ARHGEF28: variants seen among roughly 807,000 people sequenced by gnomAD.
ARHGEF28 encodes the protein 190 kDa guanine nucleotide exchange factor.
ARHGEF28 carries 152 observed loss-of-function variants against 206.6 expected under a neutral mutation model. That is an observed-to-expected ratio of 0.74 (90% CI 0.64 to 0.84). The LOEUF is 0.84. Among genes scored for constraint, ARHGEF28 ranks in the 40% least tolerant of loss-of-function variants. ARHGEF28 has a pLI of 0.00. For missense variants in ARHGEF28, 2,028 were observed against 2,073.2 expected (o/e 0.98, Z 0.42); for synonymous variants, 763 against 776.4 (o/e 0.98, Z 0.29).
chr5:73,654,979 G>T (rs1047869162), intron 1 of ARHGEF28, among the ~76,000 whole-genome samples: 2 of 152,262 alleles, frequency 1.3e-5, no homozygotes, highest in Non-Finnish European at 2.9e-5. Context: ...CAAAATGAAA[G>T]GTTGTTTGAA....
At chr5:73,721,683 C>T (rs1158180013) in intron 2 of ARHGEF28, among the ~76,000 whole-genome samples, 1 of 152,130 alleles carries the variant, frequency 6.6e-6, no homozygotes, top group African/African-American at 2.4e-5. Flanking sequence ...AGGGATCCTC[C>T]CACCTTGGCC....
intron 2 of ARHGEF28, among the ~76,000 whole-genome samples, chr5:73,721,155 G>C (rs1749914184): frequency 6.6e-6 from 1 of 152,134 alleles, no homozygotes. Context: ...GCCTGGAAGA[G>C]CAGGGGAAGC....
intron 7 of ARHGEF28, among the ~76,000 whole-genome samples, chr5:73,787,291 C>G (rs545944698): frequency 6.6e-6 from 1 of 152,310 alleles, no homozygotes; most frequent in South Asian, 2.1e-4. Context: ...TGGTCAAGCA[C>G]TTGAAAATAT....
Position 73,767,166 on chromosome 5 carries a change from A to G in ARHGEF28, c.476-6689A>G, listed in dbSNP as rs1752942338. Reference sequence around the variant, plus strand: ...CCTAGCCACATGGAATTGTAAGTCCATTAAACCACTTTCTTTTGTAAATTG... The same window carrying G: ...CCTAGCCACATGGAATTGTAAGTCCGTTAAACCACTTTCTTTTGTAAATTG... On this transcript the variant is annotated intron_variant, in intron 4 of 35. Coordinates refer to ENST00000513042, the MANE Select transcript of ARHGEF28 (RefSeq NM_001177693.2). Among the ~76,000 whole-genome samples, 3 of 152,324 alleles carry G rather than the reference A, an allele frequency of 2.0e-5. No homozygotes were observed. The South Asian group carries it at 6.2e-4, about 32-fold the overall frequency.
intron 2 of ARHGEF28, among the ~76,000 whole-genome samples, chr5:73,736,446 A>G (rs1188244390): frequency 3.3e-5 from 5 of 152,144 alleles, no homozygotes; most frequent in South Asian, 4.1e-4. Context: ...TCATCTATAA[A>G]ATGAGGATGA....
chr5:73,938,357 T>C (rs1422912776), intron 35 of ARHGEF28, among the ~76,000 whole-genome samples: 1 of 152,184 alleles, frequency 6.6e-6, no homozygotes, highest in Admixed American at 6.5e-5. Context: ...TCCATGTACC[T>C]CAAAATATCA....
rs191539081 is a variant in ARHGEF28 at position 73,866,261 on chromosome 5, G to T, written c.2152+248G>T. On this transcript the variant is annotated intron_variant, in intron 18 of 35. Transcript: ENST00000513042. ...TATTAGAGAGGGCTATAAGGAGAAG[G>T]TATTAACGTGTTGCTTCAATTCTAA... Among the ~76,000 whole-genome samples, 473 of 152,270 alleles carry T rather than the reference G, an allele frequency of 3.1e-3. 2 individuals are homozygous for T. The highest frequency in any genetic ancestry group is 0.011 in the African/African-American group (463 of 41,546).
chr5:73,784,959 G>C (rs968171119), intron 7 of ARHGEF28, among the ~76,000 whole-genome samples: 3 of 152,140 alleles, frequency 2.0e-5, no homozygotes, highest in African/African-American at 7.2e-5. Flanking sequence ...AGACTAATGG[G>C]CAGGTAGCAT....
intron 1 of ARHGEF28, among the ~76,000 whole-genome samples, chr5:73,657,047 C>T (rs368341113): frequency 4.0e-4 from 61 of 151,810 alleles, no homozygotes; most frequent in Admixed American, 7.9e-4. Context: ...GTGGCGGGCA[C>T]GTGTAGTCCC....
At chr5:73,770,848 C>T (rs751899433) in intron 4 of ARHGEF28, among the ~76,000 whole-genome samples, 22 of 152,196 alleles carry the variant, frequency 1.4e-4, no homozygotes, top group Admixed American at 2.0e-4. Flanking sequence ...AGAGAGGCAA[C>T]AGTGAGCCAT....
At chr5:73,854,554 G>C (rs556756910) in intron 14 of ARHGEF28, among the ~76,000 whole-genome samples, 2 of 152,152 alleles carry the variant, frequency 1.3e-5, no homozygotes, top group African/African-American at 2.4e-5. Flanking sequence ...CTTTAGGCCC[G>C]GTGCGGTGGC....
chr5:73,739,619 G>A (rs971205782), intron 2 of ARHGEF28, among the ~76,000 whole-genome samples: 9 of 151,488 alleles, frequency 5.9e-5, no homozygotes, highest in Non-Finnish European at 8.8e-5. Context: ...AGGAGTTCAG[G>A]ACCAGCCTGT....
At chr5:73,846,844 A>T (rs192036053) in intron 12 of ARHGEF28, among the ~76,000 whole-genome samples, 108 of 152,312 alleles carry the variant, frequency 7.1e-4, no homozygotes, top group African/African-American at 2.5e-3. Flanking sequence ...TGCTCACGTA[A>T]ATAATTGTAT....
chr5:73,741,373 GTGTGTGTGTGTGTATATATATA>G (rs1751382176), intron 2 of ARHGEF28, among the ~76,000 whole-genome samples: 10 of 50,296 alleles, frequency 2.0e-4, no homozygotes, highest in African/African-American at 8.3e-4. Context: ...GTGTGTGTGT[GTGTGTGTGTGTGTATATATATA>G]TATATATATA....
chr5:73,760,302 G>A (rs923148732), intron 4 of ARHGEF28, among the ~76,000 whole-genome samples: 3 of 132,524 alleles, frequency 2.3e-5, no homozygotes, highest in African/African-American at 9.7e-5. Flanking sequence ...CAAGTTTCCA[G>A]TGTTTTTTTT....
chr5:73,890,602 T>C (rs1200711735), intron 26 of ARHGEF28, among the ~76,000 whole-genome samples: 1 of 152,176 alleles, frequency 6.6e-6, no homozygotes, highest in African/African-American at 2.4e-5. Flanking sequence ...CATGCTACTC[T>C]GAGAAGCGTG....
intron 9 of ARHGEF28, among the ~76,000 whole-genome samples, chr5:73,797,796 T>C (rs1283824575): frequency 1.3e-5 from 2 of 152,224 alleles, no homozygotes; most frequent in Non-Finnish European, 2.9e-5. Context: ...AAGTCTTTGC[T>C]GACTTGTATT....
At chr5:73,898,133 A>G in intron 30 of ARHGEF28, 40 bp downstream of exon 30, 1 of 1,601,032 alleles carries the variant, frequency 6.2e-7, no homozygotes, top group African/African-American at 1.3e-5. Flanking sequence ...GCCTGAGCAC[A>G]GTCCCTGGAG....
At chr5:73,694,387 C>T (rs1445627600) in intron 2 of ARHGEF28, among the ~76,000 whole-genome samples, 1 of 152,186 alleles carries the variant, frequency 6.6e-6, no homozygotes, top group African/African-American at 2.4e-5. Flanking sequence ...TCCTGTATTT[C>T]AGTGACAGCT....
Sources: gnomAD v4.1 joint callset for allele counts (sites outside exome capture counted in the v4.1 genomes callset) on GRCh38, gnomAD v4.1.1 for gene constraint, MANE v1.5 for transcripts, NCBI Gene and HGNC (gene_info 2026-07-23, HGNC 2026-07-21) for gene names.